The following SEMA3A variants were observed in gnomAD, a reference collection of about 807,000 sequenced individuals.
SEMA3A encodes the protein semaphorin 3A.
SEMA3A carries 29 observed loss-of-function variants against 97.9 expected under a neutral mutation model. That is an observed-to-expected ratio of 0.30 (90% CI 0.22 to 0.40). The LOEUF (loss-of-function observed/expected upper bound fraction) is 0.40, where lower values mean the gene tolerates loss of function less well. Ranked by LOEUF, SEMA3A falls within the 10% of genes least tolerant of loss-of-function variation. The pLI, the probability that SEMA3A is intolerant of heterozygous loss-of-function variation, is 1.00. For missense variants in SEMA3A, 763 were observed against 951.3 expected, an observed-to-expected ratio of 0.80 and a Z score of 2.60; for synonymous variants, 321 against 323.7, an observed-to-expected ratio of 0.99 and a Z score of 0.09.
At chr7:84,237,112 A>T (rs1288392850) in intron 3 of SEMA3A, among the ~76,000 whole-genome samples, 2 of 152,136 alleles carry the variant, frequency 1.3e-5, no homozygotes, top group African/African-American at 4.8e-5. Flanking sequence ...ACATATTTTT[A>T]AAATAATTAA....
At chr7:84,399,135 C>T (rs148760437) in intron 1 of SEMA3A, among the ~76,000 whole-genome samples, 174 of 152,218 alleles carry the variant, frequency 1.1e-3, no homozygotes, top group Middle Eastern at 3.4e-3. Flanking sequence ...AGGAAAAGCA[C>T]GGTGAGTGTG....
At chr7:84,116,849 C>T (rs985306922) in intron 3 of SEMA3A, among the ~76,000 whole-genome samples, 2 of 152,110 alleles carry the variant, frequency 1.3e-5, no homozygotes, top group Admixed American at 6.6e-5. Flanking sequence ...GCTGTTTTGG[C>T]CACCCAGTCT....
At chr7:84,185,467 T>C (rs1276218847) in intron 1 of SEMA3A, among the ~76,000 whole-genome samples, 1 of 151,446 alleles carries the variant, frequency 6.6e-6, no homozygotes, top group Non-Finnish European at 1.5e-5. Flanking sequence ...AGGTCAGGAG[T>C]TCGAGACCAG....
chr7:84,091,135 AG>A (rs1794560557), intron 4 of SEMA3A, among the ~76,000 whole-genome samples: 28 of 50,978 alleles, frequency 5.5e-4, no homozygotes, highest in African/African-American at 1.4e-3. Context: ...AAAGAAAGAA[AG>A]AAGGAAGGAA....
intron 1 of SEMA3A, among the ~76,000 whole-genome samples, chr7:84,148,826 A>AT (rs1796542253): frequency 6.6e-6 from 1 of 152,058 alleles, no homozygotes; most frequent in Admixed American, 6.5e-5. Flanking sequence ...AAGAGTAAAT[A>AT]TTTTTTCTTC....
chr7:83,969,419 T>C (rs1301180870), intron 15 of SEMA3A, among the ~76,000 whole-genome samples: 3 of 152,172 alleles, frequency 2.0e-5, no homozygotes, highest in Non-Finnish European at 2.9e-5. Context: ...TACAATTATT[T>C]TTAATCTGGT....
intron 1 of SEMA3A, among the ~76,000 whole-genome samples, chr7:84,379,862 G>A (rs1347498778): frequency 6.6e-6 from 1 of 152,110 alleles, no homozygotes; most frequent in Admixed American, 6.5e-5. Flanking sequence ...TTACAAGCAA[G>A]GCAAAAACAC....
In SEMA3A at chr7:83,961,844, A is replaced by C; in HGVS notation, c.1861-18T>G. ...ACTCTGATCTAGCAGGTTAAAAAAA[A>C]GGCAGTGTAAAATATACATATTTAA... On this transcript the variant is annotated intron_variant, in intron 16 of 16. Coordinates refer to ENST00000265362, the MANE Select transcript of SEMA3A (RefSeq NM_006080.3). 1 of 1,584,900 alleles carries C rather than the reference A, an allele frequency of 6.3e-7. No homozygotes were observed. The highest frequency in any genetic ancestry group is 1.1e-5 in the South Asian group (1 of 88,930).
chr7:84,124,474 C>T (rs1795729493), intron 3 of SEMA3A, among the ~76,000 whole-genome samples: 1 of 152,118 alleles, frequency 6.6e-6, no homozygotes, highest in Non-Finnish European at 1.5e-5. Context: ...TTGTGGTTTT[C>T]AGTATTACCC....
At chr7:84,102,588 CTTTTT>C (rs3074757) in intron 4 of SEMA3A, among the ~76,000 whole-genome samples, 7 of 96,834 alleles carry the variant, frequency 7.2e-5, no homozygotes, top group South Asian at 3.9e-4. Context: ...TGCATTATCG[CTTTTT>C]TTTTTTTTTT....
At chr7:84,048,916 A>C (rs936772832) in intron 5 of SEMA3A, among the ~76,000 whole-genome samples, 5 of 152,170 alleles carry the variant, frequency 3.3e-5, no homozygotes, top group African/African-American at 1.2e-4. Context: ...TATTACTTGG[A>C]TAGAAAAGGT....
intron 1 of SEMA3A, among the ~76,000 whole-genome samples, chr7:84,402,580 C>T (rs1031735880): frequency 2.6e-5 from 4 of 152,006 alleles, no homozygotes; most frequent in Non-Finnish European, 4.4e-5. Flanking sequence ...AACCAAGATA[C>T]GGAATCGACC....
chr7:84,396,353 A>G (rs1803732325), intron 1 of SEMA3A, among the ~76,000 whole-genome samples: 1 of 151,682 alleles, frequency 6.6e-6, no homozygotes, highest in Non-Finnish European at 1.5e-5. Flanking sequence ...ATATAATAAT[A>G]GTACTATAAT....
chr7:84,049,372 G>T (rs955656764), intron 5 of SEMA3A, among the ~76,000 whole-genome samples: 1 of 152,022 alleles, frequency 6.6e-6, no homozygotes, highest in African/African-American at 2.4e-5. Flanking sequence ...GTTCTATGGG[G>T]AGTCTTATCA....
chr7:84,387,344 G>T (rs1487495048), intron 1 of SEMA3A, among the ~76,000 whole-genome samples: 1 of 152,028 alleles, frequency 6.6e-6, no homozygotes, highest in Non-Finnish European at 1.5e-5. Flanking sequence ...AAATTTAATT[G>T]GGTTTCCTAG....
At chr7:84,366,887 C>G (rs1448301034) in intron 2 of SEMA3A, among the ~76,000 whole-genome samples, 1 of 150,662 alleles carries the variant, frequency 6.6e-6, no homozygotes, top group Non-Finnish European at 1.5e-5. Context: ...GATTTTTTTT[C>G]TTGTGCTCTC....
rs552534202 is a variant in SEMA3A at position 84,276,678 on chromosome 7, T to C, written c.-83+30529A>G. ...TTATTACAAATATTTTATACAGTAA[T>C]ATACTATCAAGCTCAGCTGGTTTAA... is the stretch of plus-strand genomic sequence containing the variant. On this transcript the variant is annotated intron_variant, in intron 3 of 3. Coordinates refer to the SEMA3A transcript ENST00000424555. Among the ~76,000 whole-genome samples, 223 of 152,270 alleles carry C rather than the reference T, an allele frequency of 1.5e-3. 1 individual carries two copies. The highest frequency in any genetic ancestry group is 5.2e-3 in the African/African-American group (216 of 41,580).
chr7:84,312,210 G>C (rs1297404200), intron 2 of SEMA3A, among the ~76,000 whole-genome samples: 2 of 151,834 alleles, frequency 1.3e-5, no homozygotes, highest in Non-Finnish European at 2.9e-5. Context: ...ATTTTTCAGT[G>C]AGATCATAAA....
chr7:84,154,691 CA>C (rs76502594), intron 1 of SEMA3A, among the ~76,000 whole-genome samples: 14,183 of 108,318 alleles, frequency 0.13, 1,008 homozygotes, highest in East Asian at 0.24. Context: ...AAAAAAAAAA[CA>C]AAAAAAAAAA....
Sources: gnomAD v4.1 joint callset for allele counts (sites outside exome capture counted in the v4.1 genomes callset) on GRCh38, gnomAD v4.1.1 for gene constraint, MANE v1.5 for transcripts, NCBI Gene and HGNC (gene_info 2026-07-23, HGNC 2026-07-21) for gene names.